LHFPL7: variants seen among roughly 807,000 people sequenced by gnomAD.
LHFPL7 encodes LHFPL tetraspan subfamily member 7 protein.
the LHFPL7 span, among the ~76,000 whole-genome samples, chr22:24,944,444 T>G: frequency 2.0e-5 from 3 of 152,096 alleles, no homozygotes; most frequent in Non-Finnish European, 4.4e-5. Context: ...CAGAGGAATA[T>G]TCCAAGCAGA....
At chr22:24,935,390 G>C in the LHFPL7 span, 2 of 1,609,892 alleles carry the variant, frequency 1.2e-6, no homozygotes, top group Non-Finnish European at 1.7e-6. Flanking sequence ...AGAAGATGAT[G>C]GTCCTCCCTT....
At chr22:24,946,442 C>A in the LHFPL7 span, 1 of 139,854 alleles carries the variant, frequency 7.2e-6, no homozygotes, top group African/African-American at 2.7e-5. Context: ...CACACACACA[C>A]AATTGTATGT....
At chr22:24,936,058 C>T in the LHFPL7 span, among the ~76,000 whole-genome samples, 8 of 152,188 alleles carry the variant, frequency 5.3e-5, no homozygotes, top group Non-Finnish European at 1.2e-4. Context: ...CCCTAACCCA[C>T]CCATCCATCC....
At chr22:24,942,892 AGT>A in the LHFPL7 span, among the ~76,000 whole-genome samples, 23,997 of 127,782 alleles carry the variant, frequency 0.19, 2,245 homozygotes, top group African/African-American at 0.28. Flanking sequence ...AAGGGGATAA[AGT>A]GTGTGTGTGT....
At chr22:24,939,924 CTTTTTT>C in the LHFPL7 span, among the ~76,000 whole-genome samples, 11 of 86,988 alleles carry the variant, frequency 1.3e-4, 1 homozygote, top group Middle Eastern at 6.8e-3. Flanking sequence ...TCATTTATCG[CTTTTTT>C]TTTTTTTTTT....
At chr22:24,939,924 C>CTTTTTTTTTTTTTTTTTTTT in the LHFPL7 span, among the ~76,000 whole-genome samples, 5 of 86,980 alleles carry the variant, frequency 5.7e-5, no homozygotes, top group African/African-American at 2.2e-4. Flanking sequence ...TCATTTATCG[C>CTTTTTTTTTTTTTTTTTTTT]TTTTTTTTTT....
chr22:24,940,177 C>T, the LHFPL7 span, among the ~76,000 whole-genome samples: 955 of 150,476 alleles, frequency 6.3e-3, 7 homozygotes, highest in African/African-American at 0.022. Flanking sequence ...CCGCCTGCCT[C>T]GGCCTCCCAA....
the LHFPL7 span, among the ~76,000 whole-genome samples, chr22:24,943,981 G>A: frequency 3.3e-5 from 5 of 152,272 alleles, no homozygotes; most frequent in Non-Finnish European, 4.4e-5. Context: ...AATGTGCCCA[G>A]CTCAATGTGA....
chr22:24,939,305 G>A, the LHFPL7 span: 2 of 702,520 alleles, frequency 2.8e-6, no homozygotes, highest in Non-Finnish European at 5.2e-6. Flanking sequence ...AGCCCCTGAA[G>A]ACCCAGTGAC....
At chr22:24,946,371 T>G in the LHFPL7 span, among the ~76,000 whole-genome samples, 3 of 151,766 alleles carry the variant, frequency 2.0e-5, no homozygotes, top group African/African-American at 7.3e-5. Flanking sequence ...CCACGTGCAC[T>G]CTCACATAAG....
chr22:24,939,650 A>G, the LHFPL7 span: 1 of 668,352 alleles, frequency 1.5e-6, no homozygotes, highest in South Asian at 1.6e-5. Context: ...TGGTGTTATG[A>G]TCAGACCCCA....
At chr22:24,938,128 G>A in the LHFPL7 span, 2 of 1,612,298 alleles carry the variant, frequency 1.2e-6, no homozygotes, top group African/African-American at 1.3e-5. Flanking sequence ...CACTGACTAT[G>A]TGCCTGTGCA....
At chr22:24,943,144 G>T in the LHFPL7 span, among the ~76,000 whole-genome samples, 1 of 152,056 alleles carries the variant, frequency 6.6e-6, no homozygotes, top group Admixed American at 6.6e-5. Flanking sequence ...CTCTCCTTTG[G>T]GTTGGCAAGA....
the LHFPL7 span, among the ~76,000 whole-genome samples, chr22:24,946,394 CAT>C: frequency 6.6e-6 from 1 of 151,700 alleles, no homozygotes; most frequent in Admixed American, 6.6e-5. Context: ...AGCATGCACA[CAT>C]GAGCGCACAT....
chr22:24,941,602 G>GTT, the LHFPL7 span, among the ~76,000 whole-genome samples: 7 of 96,554 alleles, frequency 7.2e-5, no homozygotes, highest in Middle Eastern at 5.3e-3. Context: ...GCGTATATTT[G>GTT]TTTTTTTTTT....
the LHFPL7 span, among the ~76,000 whole-genome samples, chr22:24,937,635 G>A: frequency 9.5e-3 from 1,444 of 152,312 alleles, 17 homozygotes; most frequent in African/African-American, 0.032. Flanking sequence ...TGTAATCCAG[G>A]CAAGAGATGG....
chr22:24,940,173 G>A, the LHFPL7 span, among the ~76,000 whole-genome samples: 23 of 150,292 alleles, frequency 1.5e-4, no homozygotes, highest in Non-Finnish European at 3.3e-4. Context: ...TGATCCGCCT[G>A]CCTCGGCCTC....
chr22:24,944,366 C>A, the LHFPL7 span, among the ~76,000 whole-genome samples: 1 of 152,020 alleles, frequency 6.6e-6, no homozygotes, highest in Non-Finnish European at 1.5e-5. Flanking sequence ...TCATGGAAAG[C>A]CCCATGAGAA....
At chr22:24,939,371 G>A in the LHFPL7 span, 2 of 703,028 alleles carry the variant, frequency 2.8e-6, no homozygotes. Context: ...CCAGGGAACT[G>A]AAGGTCACGC....
Sources: gnomAD v4.1 joint callset for allele counts (sites outside exome capture counted in the v4.1 genomes callset) on GRCh38, gnomAD v4.1.1 for gene constraint, MANE v1.5 for transcripts, NCBI Gene and HGNC (gene_info 2026-07-23, HGNC 2026-07-21) for gene names.